The following PIP5K1B variants were observed in gnomAD, a reference collection of about 807,000 sequenced individuals.
PIP5K1B encodes phosphatidylinositol 4-phosphate 5-kinase type-1 beta.
A neutral mutation model predicts 67.0 loss-of-function variants in PIP5K1B; 42 were observed. That is an observed-to-expected ratio of 0.63 (90% CI 0.49 to 0.81). The LOEUF (loss-of-function observed/expected upper bound fraction) is 0.81, where lower values mean the gene tolerates loss of function less well. Among genes scored for constraint, PIP5K1B ranks in the 30% least tolerant of loss-of-function variants. PIP5K1B has a pLI of 0.00. For synonymous variants in PIP5K1B, 214 were observed against 231.4 expected (o/e 0.92, Z 0.68); for missense variants, 459 against 646.3 (o/e 0.71, Z 3.14).
chr9:68,831,329 C>T (rs1164666070), intron 4 of PIP5K1B, among the ~76,000 whole-genome samples: 6 of 152,122 alleles, frequency 3.9e-5, no homozygotes, highest in African/African-American at 1.4e-4. Context: ...TAGTGCATGC[C>T]CGCTATCATT....
chr9:68,935,955 G>A (rs1157283068), intron 13 of PIP5K1B: 1 of 152,178 alleles, frequency 6.6e-6, no homozygotes, highest in South Asian at 2.1e-4. Flanking sequence ...TCCAATTTTA[G>A]TATATGTGCT....
intron 2 of PIP5K1B, among the ~76,000 whole-genome samples, chr9:68,761,026 T>C (rs1465578480): frequency 6.6e-6 from 1 of 152,050 alleles, no homozygotes; most frequent in Admixed American, 6.6e-5. Flanking sequence ...GCATAAGGAA[T>C]TGGAGAATAA....
chr9:68,876,446 G>T (rs781585873), intron 5 of PIP5K1B, among the ~76,000 whole-genome samples: 9 of 152,202 alleles, frequency 5.9e-5, no homozygotes, highest in Non-Finnish European at 1.2e-4. Context: ...TTTCAGGCAT[G>T]TGACACTGAT....
chr9:68,719,251 A>T (rs903362930), intron 1 of PIP5K1B, among the ~76,000 whole-genome samples: 2 of 152,108 alleles, frequency 1.3e-5, no homozygotes, highest in African/African-American at 4.8e-5. Flanking sequence ...AGACTTTTTC[A>T]TTTAAGTTAA....
At chr9:68,756,104 A>G (rs1027038139) in intron 2 of PIP5K1B, among the ~76,000 whole-genome samples, 2 of 152,162 alleles carry the variant, frequency 1.3e-5, no homozygotes, top group Admixed American at 6.5e-5. Context: ...AAATTGTCTT[A>G]CTCCTAAGAC....
chr9:68,939,085 C>G (rs1282167777), intron 13 of PIP5K1B, among the ~76,000 whole-genome samples: 1 of 152,196 alleles, frequency 6.6e-6, no homozygotes, highest in Non-Finnish European at 1.5e-5. Context: ...TCTGCAGGCC[C>G]CACAACAAAG....
At chr9:68,807,984 G>A (rs142902401) in intron 2 of PIP5K1B, among the ~76,000 whole-genome samples, 2,410 of 152,298 alleles carry the variant, frequency 0.016, 51 homozygotes, top group East Asian at 0.1. Context: ...GATCCCTTGA[G>A]GTCAGGAGTT....
intron 2 of PIP5K1B, among the ~76,000 whole-genome samples, chr9:68,787,711 C>A (rs1831708522): frequency 6.6e-6 from 1 of 152,152 alleles, no homozygotes; most frequent in African/African-American, 2.4e-5. Context: ...TGGCTCCCTG[C>A]AACCTCCGCC....
chr9:68,729,396 A>G (rs1016299399), intron 1 of PIP5K1B, among the ~76,000 whole-genome samples: 1 of 152,162 alleles, frequency 6.6e-6, no homozygotes, highest in South Asian at 2.1e-4. Context: ...ATCTTGGTTC[A>G]TTTCTGGGAG....
chr9:68,979,421 G>A (rs1045195128), intron 14 of PIP5K1B, among the ~76,000 whole-genome samples: 2 of 152,204 alleles, frequency 1.3e-5, no homozygotes. Flanking sequence ...GTGTGTACAT[G>A]TTGGGGTATG....
chr9:68,715,442 T>C (rs2132248326), intron 1 of PIP5K1B, among the ~76,000 whole-genome samples: 1 of 152,294 alleles, frequency 6.6e-6, no homozygotes, highest in Middle Eastern at 3.4e-3. Context: ...ACACCCTCTG[T>C]GCAGCACTCT....
intron 6 of PIP5K1B, among the ~76,000 whole-genome samples, chr9:68,886,074 GA>G (rs2132364203): frequency 6.6e-6 from 1 of 152,178 alleles, no homozygotes; most frequent in East Asian, 1.9e-4. Context: ...AGCTACTCGG[GA>G]GGCTGAGGCA....
intron 1 of PIP5K1B, chr9:68,741,670 A>C (rs542873903): frequency 6.6e-6 from 1 of 152,366 alleles, no homozygotes; most frequent in South Asian, 2.1e-4. Flanking sequence ...ACTCTAAGCA[A>C]AGAGATAGAG....
chr9:68,838,085 T>C (rs1821722678), intron 4 of PIP5K1B, among the ~76,000 whole-genome samples: 1 of 151,928 alleles, frequency 6.6e-6, no homozygotes, highest in South Asian at 2.1e-4. Context: ...TTTTTTTCTT[T>C]TGCGCATGGG....
intron 4 of PIP5K1B, 68 bp from the exon 5 acceptor site, chr9:68,863,769 G>T: frequency 7.3e-7 from 1 of 1,372,486 alleles, no homozygotes; most frequent in Non-Finnish European, 1.0e-6. Context: ...CTCATGTTTT[G>T]TTGCCTGTAC....
chr9:69,007,928 C>T (rs889523457), intron 15 of PIP5K1B, among the ~76,000 whole-genome samples: 6 of 152,018 alleles, frequency 3.9e-5, no homozygotes, highest in African/African-American at 1.4e-4. Context: ...TATAATATTG[C>T]TTTCCCCACA....
At position 68,705,324 on chromosome 9, in the gene PIP5K1B, G is replaced by T. The variant is rs1827067367; in HGVS notation, c.-681G>T. 1 of 151,430 alleles carries T rather than the reference G, an allele frequency of 6.6e-6. No homozygotes were observed. The highest frequency in any genetic ancestry group is 1.5e-5 in the Non-Finnish European group (1 of 67,690). The allele number at this position is 151,430 out of a possible 1,614,324, so 9.4% of individuals were successfully genotyped here. ...GCGGGCGCCGCTGCTGCTCCTCTCG[G>T]TCCCCGGTTCCCGGTCCCCGAACGC... On this transcript the variant is annotated 5_prime_UTR_variant, in exon 1 of 16. Coordinates refer to ENST00000265382, the MANE Select transcript of PIP5K1B (RefSeq NM_003558.4).
chr9:68,864,303 GA>G (rs757144930), intron 5 of PIP5K1B, among the ~76,000 whole-genome samples: 1 of 151,908 alleles, frequency 6.6e-6, no homozygotes, highest in Non-Finnish European at 1.5e-5. Context: ...TTTATAGAAA[GA>G]AGGCTTCCAT....
At chr9:68,876,601 A>G in intron 5 of PIP5K1B, 76 bp from the exon 6 acceptor site, 1 of 819,536 alleles carries the variant, frequency 1.2e-6, no homozygotes, top group Non-Finnish European at 2.1e-6. Flanking sequence ...GGACTAATAG[A>G]GCTACAATTT....
Sources: allele counts gnomAD v4.1 joint callset (sites outside exome capture counted in the v4.1 genomes callset), GRCh38; gene constraint gnomAD v4.1.1; transcripts MANE v1.5; gene names NCBI Gene and HGNC (gene_info 2026-07-23, HGNC 2026-07-21).